INTS3: variants seen among roughly 807,000 people sequenced by gnomAD.
INTS3 encodes the protein SOSS complex subunit A.
In INTS3, 34 loss-of-function variants were observed where a neutral mutation model predicts 146.3. That is an observed-to-expected ratio of 0.23 (90% CI 0.18 to 0.31). The LOEUF (loss-of-function observed/expected upper bound fraction) is 0.31, where lower values mean the gene tolerates loss of function less well. Among genes scored for constraint, INTS3 ranks in the 10% least tolerant of loss-of-function variants. INTS3 has a pLI of 1.00. For missense variants in INTS3, 757 were observed against 1,304.2 expected (o/e 0.58, Z 6.46); for synonymous variants, 475 against 494.9 (o/e 0.96, Z 0.53).
Position 153,772,286 on chromosome 1 carries a change from C to G in INTS3, c.2721-54C>G, listed in dbSNP as rs570422090. ...GGGCCCTGGCGGGTGGAGGGTGTCTCGCACTCTGGAACCCTCCCACACTCA... is the reference window on the plus strand; with the variant it reads ...GGGCCCTGGCGGGTGGAGGGTGTCTGGCACTCTGGAACCCTCCCACACTCA... On this transcript the variant is annotated intron_variant, in intron 26 of 29. Coordinates refer to ENST00000318967, the MANE Select transcript of INTS3 (RefSeq NM_023015.5). The surrounding 1 kb of genome is among the most constrained non-coding windows in gnomAD (Gnocchi z 4.6). The G allele has an allele frequency of 1.3e-5, 20 of 1,580,124 alleles. No homozygotes were observed. The Middle Eastern group carries it at 6.7e-4, about 53-fold the overall frequency.
intron 1 of INTS3, among the ~76,000 whole-genome samples, chr1:153,737,035 G>T (rs1671320893): frequency 6.6e-6 from 1 of 151,994 alleles, no homozygotes; most frequent in Non-Finnish European, 1.5e-5. Context: ...CCAAAGTGCT[G>T]GGATTGCAGG....
In INTS3 at chr1:153,747,413, C is replaced by T. The variant is rs1671789566; in HGVS notation, c.517+50C>T. 8.1e-6 allele frequency: 11 copies of T among 1,351,938 alleles called. No homozygotes were observed. The East Asian group carries it at 2.5e-4, about 31-fold the overall frequency. 83.7% of individuals were successfully genotyped at this position (1,351,938 alleles called of 1,614,324 possible). On this transcript the variant is annotated intron_variant, in intron 5 of 29. Transcript: ENST00000318967. ...AGAAGAAAGGAGGAGAGCCCAGAGACTACATAGAGACAATGGAGAATGATT... is the reference window on the plus strand; with the variant it reads ...AGAAGAAAGGAGGAGAGCCCAGAGATTACATAGAGACAATGGAGAATGATT...
Position 153,767,666 on chromosome 1 carries a change from T to A in INTS3, c.2091-8T>A. Reference sequence around the variant, plus strand: ...AGGCTGCTGGCTCAGGCCCAGCTGGTCTTGCAGCAAAGCCGCCGCAGGGAA... The same window carrying A: ...AGGCTGCTGGCTCAGGCCCAGCTGGACTTGCAGCAAAGCCGCCGCAGGGAA... On this transcript the variant is annotated splice_polypyrimidine_tract_variant and splice_region_variant and intron_variant, in intron 20 of 29. Transcript: ENST00000318967. 6.4e-7 allele frequency: 1 copy of A among 1,571,464 alleles called. No individual in the cohort carries two copies. Among genetic ancestry groups the A allele is most frequent in the Non-Finnish European group, 8.7e-7 (1 of 1,152,640 alleles).
At chr1:153,762,309 T>G (rs1672412140) in intron 14 of INTS3, among the ~76,000 whole-genome samples, 1 of 152,200 alleles carries the variant, frequency 6.6e-6, no homozygotes, top group Admixed American at 6.5e-5. Context: ...AATTTGTATT[T>G]GGCGGGCACC....
rs1672389485 is a variant in INTS3 at position 153,761,684 on chromosome 1, G to GC, written c.1516+11dup. ...CCTCCCCACCTGTGGAAGGTATGAG[G>GC]CCCGCCCATTCCATCACCTGTGTCA... On this transcript the variant is annotated intron_variant, in intron 14 of 29. Coordinates refer to ENST00000318967, the MANE Select transcript of INTS3 (RefSeq NM_023015.5). The GC allele has an allele frequency of 1.3e-6, 2 of 1,591,422 alleles. No homozygotes were observed. Among genetic ancestry groups the GC allele is most frequent in the Middle Eastern group, 3.3e-4 (2 of 6,022 alleles).
chr1:153,764,759 C>T (rs1304162282), intron 19 of INTS3, 25 bp downstream of exon 19: 2 of 1,583,668 alleles, frequency 1.3e-6, no homozygotes, highest in African/African-American at 1.3e-5. Flanking sequence ...ATAGGAGATA[C>T]TGTTCTACCC....
At position 153,770,290 on chromosome 1, in the gene INTS3, C is replaced by T. The variant is rs779873941; in HGVS notation, c.2482C>T (p.Leu828=). 3.7e-6 allele frequency: 6 copies of T among 1,609,482 alleles called. No individual in the cohort carries two copies. In the African/African-American group the frequency reaches 4.0e-5, roughly 11 times the overall value. Residue 828 remains leucine, a synonymous_variant, in exon 24 of 30, where the codon CTG becomes TTG. Transcript: ENST00000318967. Reference sequence around the variant, plus strand: ...TCCCCTGGAGACCATAATCCCCATCCTGCAGCACCTCAAATACAAGGGTGA... The same window carrying T: ...TCCCCTGGAGACCATAATCCCCATCTTGCAGCACCTCAAATACAAGGGTGA... ...NIPLETIIPI[L]QHLKYKEHPE...
intron 3 of INTS3, among the ~76,000 whole-genome samples, chr1:153,746,460 G>GCGCGAT (rs1432840906): frequency 1.3e-5 from 2 of 151,564 alleles, no homozygotes; most frequent in Admixed American, 1.3e-4. Flanking sequence ...GAGTGCAGTG[G>GCGCGAT]CGCGATCTCC....
chr1:153,772,453 C>T lies in INTS3; in HGVS notation c.2821+13C>T. ...ACCAAGCAGAACTGTATGCCTTCCA[C>T]CCTCGGCGTCCAGTGTAGACGGTGC... On this transcript the variant is annotated intron_variant, in intron 27 of 29. Coordinates refer to ENST00000318967, the MANE Select transcript of INTS3 (RefSeq NM_023015.5). This position sits in a 1 kb window ranked among gnomAD's most constrained non-coding sequence, Gnocchi z 4.6. 1 of 1,614,194 alleles carries T rather than the reference C, an allele frequency of 6.2e-7. No individual in the cohort carries two copies. Among genetic ancestry groups the T allele is most frequent in the Non-Finnish European group, 8.5e-7 (1 of 1,180,036 alleles).
rs776052690 is a variant in INTS3, at chr1:153,728,290, C to T, written c.-345C>T. 1 of 391,252 alleles carries T rather than the reference C, an allele frequency of 2.6e-6. No homozygotes were observed. Among genetic ancestry groups the T allele is most frequent in the Non-Finnish European group, 4.5e-6 (1 of 221,912 alleles). 24.2% of individuals were successfully genotyped at this position (391,252 alleles called of 1,614,324 possible). A position where few individuals can be genotyped will look rare whatever the true frequency, so the allele number is the denominator to read the frequency against. Reference sequence around the variant, plus strand: ...AAGAGGCAGAAACTTAGGGGTTTCCCTCCTTTCTTAGGGTCAGACGCTCTT... The same window carrying T: ...AAGAGGCAGAAACTTAGGGGTTTCCTTCCTTTCTTAGGGTCAGACGCTCTT... On this transcript the variant is annotated 5_prime_UTR_variant, in exon 1 of 30. Transcript: ENST00000318967.
chr1:153,736,352 A>C (rs966598424), intron 1 of INTS3, among the ~76,000 whole-genome samples: 5 of 152,200 alleles, frequency 3.3e-5, no homozygotes, highest in African/African-American at 7.2e-5. Flanking sequence ...GCCTTGCCTT[A>C]ACACTCAGTT....
At chr1:153,756,567 G>A (rs916881092) in intron 9 of INTS3, among the ~76,000 whole-genome samples, 2 of 152,052 alleles carry the variant, frequency 1.3e-5, no homozygotes, top group African/African-American at 4.8e-5. Flanking sequence ...TGTAATCTCA[G>A]TACTTTGGGA....
At chr1:153,735,959 T>C (rs1020260986) in intron 1 of INTS3, among the ~76,000 whole-genome samples, 4 of 152,192 alleles carry the variant, frequency 2.6e-5, no homozygotes, top group Non-Finnish European at 5.9e-5. Flanking sequence ...CTTGAACTCC[T>C]GGCCTCAGGT....
Position 153,760,301 on chromosome 1 carries a change from C to A in INTS3, c.1238-10C>A. On this transcript the variant is annotated splice_polypyrimidine_tract_variant and intron_variant, in intron 11 of 29. Coordinates refer to ENST00000318967, the MANE Select transcript of INTS3 (RefSeq NM_023015.5). ...TGATGTGAGGGGCTCTTTAATTTCACATCCTCCAGAACCAGCCATCCTGGT... is the reference window on the plus strand; with the variant it reads ...TGATGTGAGGGGCTCTTTAATTTCAAATCCTCCAGAACCAGCCATCCTGGT... 1 of 1,422,874 alleles carries A rather than the reference C, an allele frequency of 7.0e-7. No individual in the cohort carries two copies. The highest frequency in any genetic ancestry group is 9.8e-7 in the Non-Finnish European group (1 of 1,022,748). The allele number at this position is 1,422,874 out of a possible 1,614,324, so 88.1% of individuals were successfully genotyped here.
At chr1:153,743,682 G>T (rs1203341001) in intron 3 of INTS3, among the ~76,000 whole-genome samples, 2 of 152,078 alleles carry the variant, frequency 1.3e-5, no homozygotes, top group Non-Finnish European at 2.9e-5. Context: ...TTTCTATTTG[G>T]TGTCTGAACT....
At chr1:153,753,330 G>A (rs955769004) in intron 8 of INTS3, among the ~76,000 whole-genome samples, 3 of 151,896 alleles carry the variant, frequency 2.0e-5, no homozygotes, top group Non-Finnish European at 2.9e-5. Flanking sequence ...AGGCCGAGGC[G>A]GGCGGATCAC....
chr1:153,750,867 C>A, intron 6 of INTS3: 1 of 471,418 alleles, frequency 2.1e-6, no homozygotes. Flanking sequence ...TGGCACTTAT[C>A]TTTATAGGCA....
At chr1:153,732,412 G>A (rs1671103283) in intron 1 of INTS3, among the ~76,000 whole-genome samples, 2 of 150,976 alleles carry the variant, frequency 1.3e-5, no homozygotes, top group South Asian at 4.2e-4. Flanking sequence ...AACGCAGCTT[G>A]TTCAATAACT....
chr1:153,751,821 C>T (rs567823041), intron 7 of INTS3, among the ~76,000 whole-genome samples: 12 of 152,306 alleles, frequency 7.9e-5, no homozygotes, highest in East Asian at 7.7e-4. Context: ...ATTAGCTACA[C>T]GTTGCTAATG....
Sources: allele counts gnomAD v4.1 joint callset (sites outside exome capture counted in the v4.1 genomes callset), GRCh38; gene constraint gnomAD v4.1.1; non-coding constraint Gnocchi (gnomAD v3.1); transcripts MANE v1.5; gene names NCBI Gene and HGNC (gene_info 2026-07-23, HGNC 2026-07-21).